The following CHRDL1 variants were observed in gnomAD, a reference collection of about 807,000 sequenced individuals.
CHRDL1 encodes chordin like 1.
Under a neutral mutation model 40.9 loss-of-function variants are expected in CHRDL1, and 19 were observed. The observed-to-expected ratio is 0.46, with a 90% CI of 0.32 to 0.68. The LOEUF (loss-of-function observed/expected upper bound fraction) is 0.68. Among genes scored for constraint, CHRDL1 ranks in the 30% least tolerant of loss-of-function variants. The probability of loss-of-function intolerance (pLI) is 0.03; values close to 1 mark genes in which losing one functional copy is unlikely to be tolerated. For synonymous variants in CHRDL1, 136 were observed against 123.4 expected, an observed-to-expected ratio of 1.10 and a Z score of -0.68; for missense variants, 329 against 352.1, an observed-to-expected ratio of 0.93 and a Z score of 0.53.
chrX:110,739,611 G>T (rs2071326768), intron 4 of CHRDL1, among the ~76,000 whole-genome samples: 1 of 111,662 alleles, frequency 9.0e-6, no homozygotes, highest in Non-Finnish European at 1.9e-5. Context: ...CTCTCCATAG[G>T]CCCCTCCACT....
intron 5 of CHRDL1, 106 bp downstream of exon 5, chrX:110,721,279 T>C (rs1201489198): frequency 2.6e-6 from 2 of 782,910 alleles, no homozygotes; most frequent in East Asian, 6.3e-5. Flanking sequence ...CAAGTCATGT[T>C]TTATTCAAAC....
intron 2 of CHRDL1, among the ~76,000 whole-genome samples, chrX:110,791,399 C>T (rs1487712186): frequency 2.7e-5 from 3 of 111,840 alleles, no homozygotes; most frequent in Non-Finnish European, 3.8e-5. Flanking sequence ...CATAAATCTC[C>T]TAAACGTGGC....
Position 110,744,181 on chromosome X carries a change from G to A in CHRDL1, c.301+15480C>T, listed in dbSNP as rs148190919. ...AAAAATCAAATAAATAGCTGCAGGC[G>A]CACTCACATTGAACTTGTGCCCAAT... On this transcript the variant is annotated intron_variant, in intron 4 of 11. Transcript: ENST00000372042. Among the ~76,000 whole-genome samples, 368 of 112,128 alleles carry A rather than the reference G, an allele frequency of 3.3e-3. 2 individuals are homozygous for A. Among genetic ancestry groups the A allele is most frequent in the Middle Eastern group, 0.014 (3 of 216 alleles).
At position 110,679,202 on chromosome X, in the gene CHRDL1, A is replaced by G. The variant is rs763223356; in HGVS notation, c.1246+134T>C. 1.0e-3 allele frequency: 505 copies of G among 496,851 alleles called. 1 individual carries two copies. The highest frequency in any genetic ancestry group is 8.8e-4 in the Non-Finnish European group (245 of 278,640). 40.9% of individuals were successfully genotyped at this position (496,851 alleles called of 1,213,427 possible). A position where few individuals can be genotyped will look rare whatever the true frequency, so the allele number is the denominator to read the frequency against. On this transcript the variant is annotated intron_variant, in intron 11 of 11. Transcript: ENST00000372042. ...CACTGCTAAGTCACCCAGAAGAGAG[A>G]TGGAACATCCTTTAGTGTTGATACT...
intron 7 of CHRDL1, among the ~76,000 whole-genome samples, chrX:110,696,654 T>A (rs1457411519): frequency 1.8e-5 from 2 of 111,703 alleles, no homozygotes; most frequent in Non-Finnish European, 3.8e-5. Flanking sequence ...TCAGCTACAA[T>A]GTTCACAACC....
intron 2 of CHRDL1, among the ~76,000 whole-genome samples, chrX:110,787,734 C>G (rs770761753): frequency 8.9e-6 from 1 of 112,532 alleles, no homozygotes; most frequent in South Asian, 3.7e-4. Context: ...GGAAGCTTTT[C>G]TCTTGAGGAG....
At chrX:110,690,803 G>C (rs1477154602) in intron 8 of CHRDL1, among the ~76,000 whole-genome samples, 1 of 111,729 alleles carries the variant, frequency 9.0e-6, no homozygotes, top group East Asian at 2.8e-4. Flanking sequence ...ACTGGCTATA[G>C]ATATTTGGCT....
chrX:110,741,628 A>C (rs1389015345), intron 4 of CHRDL1, among the ~76,000 whole-genome samples: 1 of 111,183 alleles, frequency 9.0e-6, no homozygotes, highest in African/African-American at 3.3e-5. Flanking sequence ...GTGTGGCCGG[A>C]ATTCTAGGAA....
rs1293801555 is a variant in CHRDL1, at chrX:110,675,129, C to T, written c.*1102G>A. 8.9e-6 allele frequency: 1 copy of T among 111,760 alleles called. No homozygotes were observed. Among genetic ancestry groups the T allele is most frequent in the Non-Finnish European group, 1.9e-5 (1 of 53,130 alleles). 9.2% of individuals were successfully genotyped at this position (111,760 alleles called of 1,213,427 possible). Reference sequence around the variant, plus strand: ...CACTTTGCAAAGTAAAAATCAACTCCTATAATTGGAGAAGAAGGAAAACTT... The same window carrying T: ...CACTTTGCAAAGTAAAAATCAACTCTTATAATTGGAGAAGAAGGAAAACTT... On this transcript the variant is annotated 3_prime_UTR_variant, in exon 12 of 12. Transcript: ENST00000372042.
intron 2 of CHRDL1, among the ~76,000 whole-genome samples, chrX:110,786,619 C>T (rs918546779): frequency 8.9e-6 from 1 of 112,011 alleles, no homozygotes; most frequent in African/African-American, 3.2e-5. Flanking sequence ...GAAGACTGAC[C>T]GGAAACCAGG....
At chrX:110,767,354 G>C (rs1303766054) in intron 2 of CHRDL1, among the ~76,000 whole-genome samples, 1 of 110,759 alleles carries the variant, frequency 9.0e-6, no homozygotes, top group Non-Finnish European at 1.9e-5. Flanking sequence ...AATCAGACAA[G>C]AGAAAGAAAT....
chrX:110,742,515 T>C (rs766247833), intron 4 of CHRDL1, among the ~76,000 whole-genome samples: 1 of 112,761 alleles, frequency 8.9e-6, no homozygotes, highest in South Asian at 3.7e-4. Context: ...CAGAGAATTT[T>C]CACCCCACAG....
At position 110,673,980 on chromosome X, in the gene CHRDL1, TCTTA is replaced by T. The variant is rs1421691297; in HGVS notation, c.*2247_*2250del. On this transcript the variant is annotated 3_prime_UTR_variant, in exon 12 of 12. Transcript: ENST00000372042. ...TGAAAGGGTAATACTGTTATGTTACTCTTACTTGTTTACATGAGTTAACTAGAAA... is the reference window on the plus strand; with the variant it reads ...TGAAAGGGTAATACTGTTATGTTACTCTTGTTTACATGAGTTAACTAGAAA... 8.9e-6 allele frequency: 1 copy of T among 112,564 alleles called. No individual in the cohort carries two copies. The highest frequency in any genetic ancestry group is 1.9e-5 in the Non-Finnish European group (1 of 53,316). The allele number at this position is 112,564 out of a possible 1,213,427, so 9.3% of individuals were successfully genotyped here. A position where few individuals can be genotyped will look rare whatever the true frequency, so the allele number is the denominator to read the frequency against.
chrX:110,792,691 G>C (rs926684888), intron 1 of CHRDL1, among the ~76,000 whole-genome samples: 1 of 111,763 alleles, frequency 8.9e-6, no homozygotes, highest in Non-Finnish European at 1.9e-5. Flanking sequence ...AGTACAAATT[G>C]ATCAGTTTCT....
chrX:110,779,257 T>C (rs1326118081), intron 2 of CHRDL1, among the ~76,000 whole-genome samples: 1 of 111,004 alleles, frequency 9.0e-6, no homozygotes, highest in African/African-American at 3.3e-5. Flanking sequence ...AACTAAAAGT[T>C]AAAAAAGCAA....
intron 4 of CHRDL1, among the ~76,000 whole-genome samples, chrX:110,729,866 C>T (rs866114919): frequency 2.2e-4 from 25 of 112,379 alleles, no homozygotes; most frequent in Non-Finnish European, 3.9e-4. Context: ...ATGGTACCTA[C>T]CCCATAGGTT....
intron 11 of CHRDL1, among the ~76,000 whole-genome samples, chrX:110,677,635 C>T (rs1365343939): frequency 9.0e-6 from 1 of 111,653 alleles, no homozygotes; most frequent in African/African-American, 3.3e-5. Context: ...TGCCTCCTTT[C>T]TTACTCACAT....
In CHRDL1 at chrX:110,694,277, C is replaced by A. The variant is rs768059216; in HGVS notation, c.664G>T (p.Gly222Cys). The stretch of plus-strand genomic sequence containing the variant: ...CTGGCCCCAGGAAAGCGGGACAGAC[C>A]TCCAGCCTGTCGGCTTGGTGGAGGA... The part of the protein sequence containing the change: ...YDPPPSRQAG[G>C]LSRFPGARSH... The change falls in exon 8 of 12, where the codon GGT becomes TGT. Residue 222 changes from glycine (G) to cysteine (C), a missense_variant. Coordinates refer to ENST00000372042, the MANE Select transcript of CHRDL1 (RefSeq NM_001143981.2). The A allele has an allele frequency of 2.2e-5, 26 of 1,208,351 alleles. No individual in the cohort carries two copies. The Admixed American group carries it at 3.9e-4, about 18-fold the overall frequency.
intron 4 of CHRDL1, among the ~76,000 whole-genome samples, chrX:110,722,465 G>A (rs1450237272): frequency 3.6e-5 from 4 of 109,857 alleles, no homozygotes; most frequent in East Asian, 2.9e-4. Flanking sequence ...CCTCCACGAA[G>A]CATTCTCTAA....
Sources: allele counts gnomAD v4.1 joint callset (sites outside exome capture counted in the v4.1 genomes callset), GRCh38; gene constraint gnomAD v4.1.1; transcripts MANE v1.5; gene names NCBI Gene and HGNC (gene_info 2026-07-23, HGNC 2026-07-21).